Variants in SS18 observed in about 807,000 individuals in gnomAD.
SS18 encodes SS18 subunit of BAF chromatin remodeling complex.
Under a neutral mutation model 72.5 loss-of-function variants are expected in SS18, and 28 were observed. That is an observed-to-expected ratio of 0.39 (90% CI 0.29 to 0.53). The LOEUF (loss-of-function observed/expected upper bound fraction) is 0.53. SS18 is among the 20% of genes least tolerant of loss of function. The pLI is 0.76. For synonymous variants in SS18, 172 were observed against 164.2 expected (o/e 1.05, Z -0.37); for missense variants, 518 against 535.3 (o/e 0.97, Z 0.32).
intron 2 of SS18, among the ~76,000 whole-genome samples, chr18:26,082,923 G>T (rs1312599909): frequency 6.6e-6 from 1 of 151,734 alleles, no homozygotes; most frequent in African/African-American, 2.4e-5. Context: ...ACATCTTAAG[G>T]AGTTGTTAAT....
At chr18:26,081,025 T>C (rs1422068129) in intron 2 of SS18, among the ~76,000 whole-genome samples, 1 of 131,200 alleles carries the variant, frequency 7.6e-6, no homozygotes, top group Non-Finnish European at 1.5e-5. Flanking sequence ...TATAAGGAGG[T>C]AGGTAAAAAT....
intron 10 of SS18, among the ~76,000 whole-genome samples, chr18:26,020,384 A>G (rs1665342941): frequency 6.6e-6 from 1 of 152,216 alleles, no homozygotes; most frequent in South Asian, 2.1e-4. Flanking sequence ...GTGACTCTCA[A>G]TGATGGAGGG....
At chr18:26,019,349 T>A (rs2053303857) in intron 10 of SS18, among the ~76,000 whole-genome samples, 1 of 152,168 alleles carries the variant, frequency 6.6e-6, no homozygotes, top group Non-Finnish European at 1.5e-5. Flanking sequence ...GCTAAACAAC[T>A]CTCTCTCCAC....
chr18:26,090,375 A>G, intron 1 of SS18, 126 bp downstream of exon 1: 2 of 924,188 alleles, frequency 2.2e-6, no homozygotes, highest in South Asian at 1.4e-5. Context: ...GTTCCCAAAC[A>G]CTGCTGATTC....
Position 26,039,370 on chromosome 18 carries a change from T to G in SS18, c.694A>C (p.Met232Leu), listed in dbSNP as rs1294143883. 6.2e-7 allele frequency: 1 copy of G among 1,613,926 alleles called. No homozygotes were observed. The change falls in exon 6 of 11, where the codon ATG (methionine) becomes CTG (leucine). Residue 232 changes from methionine (M) to leucine (L), a missense_variant. Physicochemically the swap from Met to Leu is conservative, Grantham distance 15. Coordinates refer to ENST00000415083, the MANE Select transcript of SS18 (RefSeq NM_001007559.3). The stretch of plus-strand genomic sequence containing the variant: ...TGGTTAACTTGACCCATCATTCCCA[T>G]AGGTGGCTGCTGTCCTTGGTAATGC... Reference protein sequence around the residue: ...GQHYQGQQPPMGMMGQVNQGN... With the variant: ...GQHYQGQQPPLGMMGQVNQGN...
chr18:26,077,584 C>T (rs2054439230), intron 3 of SS18, among the ~76,000 whole-genome samples: 1 of 152,106 alleles, frequency 6.6e-6, no homozygotes, highest in Admixed American at 6.5e-5. Context: ...AGTTTTTAAT[C>T]GCTGCTCGGC....
At chr18:26,031,902 T>C (rs2053548400) in intron 10 of SS18, among the ~76,000 whole-genome samples, 1 of 152,054 alleles carries the variant, frequency 6.6e-6, no homozygotes, top group South Asian at 2.1e-4. Flanking sequence ...GGACTCCACA[T>C]CTCAGTAGGT....
At chr18:26,055,989 C>G (rs1331272743) in intron 4 of SS18, among the ~76,000 whole-genome samples, 1 of 152,060 alleles carries the variant, frequency 6.6e-6, no homozygotes, top group Non-Finnish European at 1.5e-5. Flanking sequence ...AATCTCTTGA[C>G]CTCGTGATCC....
intron 10 of SS18, among the ~76,000 whole-genome samples, chr18:26,026,084 G>A (rs1335717745): frequency 6.6e-6 from 1 of 152,128 alleles, no homozygotes; most frequent in Non-Finnish European, 1.5e-5. Context: ...TCACAGCATT[G>A]TGAAGTCAAA....
intron 5 of SS18, among the ~76,000 whole-genome samples, chr18:26,049,994 C>G (rs1308615758): frequency 6.6e-6 from 1 of 152,204 alleles, no homozygotes; most frequent in Non-Finnish European, 1.5e-5. Flanking sequence ...CGCCTGTAAT[C>G]CCAACACTTC....
chr18:26,034,383 C>T (rs1464104133), intron 9 of SS18, among the ~76,000 whole-genome samples: 1 of 152,024 alleles, frequency 6.6e-6, no homozygotes, highest in East Asian at 1.9e-4. Flanking sequence ...TCGTCATTCC[C>T]CACTCCCTAT....
At chr18:26,085,039 G>GCA (rs1394161750) in intron 2 of SS18, among the ~76,000 whole-genome samples, 1 of 152,104 alleles carries the variant, frequency 6.6e-6, no homozygotes, top group African/African-American at 2.4e-5. Context: ...ACTCTCAAAT[G>GCA]TTTCTAAAAA....
At chr18:26,074,824 TAAAA>T (rs2054381838) in intron 3 of SS18, among the ~76,000 whole-genome samples, 1 of 151,766 alleles carries the variant, frequency 6.6e-6, no homozygotes, top group African/African-American at 2.4e-5. Flanking sequence ...TGAAAAGACT[TAAAA>T]AACCCATAAT....
chr18:26,071,924 C>CGCTTT (rs1435667447), intron 3 of SS18, among the ~76,000 whole-genome samples: 9 of 151,478 alleles, frequency 5.9e-5, no homozygotes, highest in African/African-American at 2.2e-4. Context: ...ACCAGCAAAG[C>CGCTTT]AGTGCTAAAG....
chr18:26,076,467 T>A (rs1178760749), intron 3 of SS18, among the ~76,000 whole-genome samples: 1 of 151,842 alleles, frequency 6.6e-6, no homozygotes, highest in African/African-American at 2.4e-5. Context: ...TGGAAACAAA[T>A]GAAACTGAAC....
chr18:26,045,747 AATAATC>A, intron 5 of SS18, among the ~76,000 whole-genome samples: 2 of 152,260 alleles, frequency 1.3e-5, no homozygotes, highest in South Asian at 4.1e-4. Flanking sequence ...AAACGATCTT[AATAATC>A]AGTAGGGAAA....
At chr18:26,061,114 C>A (rs1046513207) in intron 3 of SS18, among the ~76,000 whole-genome samples, 2 of 152,292 alleles carry the variant, frequency 1.3e-5, no homozygotes, top group East Asian at 3.9e-4. Context: ...GAGATCGAGA[C>A]CATCCTGGCT....
chr18:26,038,239 A>T (rs544283383), intron 7 of SS18, among the ~76,000 whole-genome samples: 1 of 152,100 alleles, frequency 6.6e-6, no homozygotes. Flanking sequence ...AGCTCTTATT[A>T]AAAAAAAGTA....
In SS18 at chr18:26,032,466, C is replaced by A. The variant is rs755200495; in HGVS notation, c.1163G>T (p.Gly388Val). 2.5e-6 allele frequency: 4 copies of A among 1,613,898 alleles called. No individual in the cohort carries two copies. Among genetic ancestry groups the A allele is most frequent in the Middle Eastern group, 3.3e-4 (2 of 6,058 alleles). ...TCCAGGCTGTGTTGGTCTATATCCT[C>A]CATACTGCTGACCTTGTCCCTGTGG... ...NYPQGQGQQY[G>V]GYRPTQPGPP... is the part of the protein sequence containing the mutation. The change falls in exon 10 of 11, where the codon GGA (glycine) becomes GTA (valine). Residue 388 changes from glycine (G) to valine (V), a missense_variant. Gly to Val is a moderately radical substitution (Grantham distance 109, BLOSUM62 -3). Coordinates refer to ENST00000415083, the MANE Select transcript of SS18 (RefSeq NM_001007559.3).
Sources: gnomAD v4.1 joint callset for allele counts (sites outside exome capture counted in the v4.1 genomes callset) on GRCh38, gnomAD v4.1.1 for gene constraint, MANE v1.5 for transcripts, NCBI Gene and HGNC (gene_info 2026-07-23, HGNC 2026-07-21) for gene names.